Variants in PID1 observed in about 807,000 individuals in gnomAD.
PID1 encodes the protein phosphotyrosine interaction domain containing 1, also known as PTB-containing, cubilin and LRP1-interacting protein.
PID1 carries 10 observed loss-of-function variants against 19.1 expected under a neutral mutation model. The ratio of observed to expected loss-of-function variants is 0.52; its 90% confidence interval spans 0.32 to 0.89. PID1 has a LOEUF of 0.89. PID1 is among the 40% of genes least tolerant of loss of function. The probability of loss-of-function intolerance (pLI) is 0.03; values close to 1 mark genes in which losing one functional copy is unlikely to be tolerated. For synonymous variants in PID1, 130 were observed against 116.0 expected, an observed-to-expected ratio of 1.12 and a Z score of -0.78; for missense variants, 248 against 285.3, an observed-to-expected ratio of 0.87 and a Z score of 0.94.
chr2:229,091,229 T>C (rs373025224), intron 2 of PID1, among the ~76,000 whole-genome samples: 1 of 152,132 alleles, frequency 6.6e-6, no homozygotes, highest in Non-Finnish European at 1.5e-5. Flanking sequence ...TAAAAATGTA[T>C]ATTAAAATTC....
At position 229,137,660 on chromosome 2, in the gene PID1, A is replaced by G. The variant is rs1185274165; in HGVS notation, c.177+18158T>C. Among the ~76,000 whole-genome samples the G allele has an allele frequency of 3.3e-5, 5 of 152,352 alleles. No individual in the cohort carries two copies. The East Asian group carries it at 7.7e-4, about 23-fold the overall frequency. ...ACTTACAAAAATAAATAAAGTAACA[A>G]TAAAGATAAGCAGACTCTTCTACTT... On this transcript the variant is annotated intron_variant, in intron 2 of 2. Coordinates refer to ENST00000392055, the MANE Select transcript of PID1 (RefSeq NM_001100818.2).
chr2:229,046,754 C>T (rs1183751327), intron 2 of PID1, among the ~76,000 whole-genome samples: 3 of 152,134 alleles, frequency 2.0e-5, no homozygotes, highest in Admixed American at 2.0e-4. Context: ...CTTGATCTCG[C>T]TGTTAGATTT....
intron 1 of PID1, among the ~76,000 whole-genome samples, chr2:229,183,082 G>C (rs1461102846): frequency 2.0e-5 from 3 of 152,192 alleles, no homozygotes; most frequent in Non-Finnish European, 2.9e-5. Flanking sequence ...TCAAGTTAAG[G>C]TGAAGTTATA....
At chr2:229,037,850 A>T (rs1021194300) in intron 2 of PID1, among the ~76,000 whole-genome samples, 2 of 152,230 alleles carry the variant, frequency 1.3e-5, no homozygotes, top group Admixed American at 6.5e-5. Context: ...ACATGTTCAC[A>T]ACGAGAAAAT....
intron 2 of PID1, among the ~76,000 whole-genome samples, chr2:229,123,882 A>T (rs1249898125): frequency 6.6e-6 from 1 of 152,160 alleles, no homozygotes; most frequent in Non-Finnish European, 1.5e-5. Context: ...ATTCAGTTGT[A>T]AGATTTCCTT....
At chr2:229,223,473 C>G (rs1692014747) in intron 1 of PID1, among the ~76,000 whole-genome samples, 1 of 152,152 alleles carries the variant, frequency 6.6e-6, no homozygotes, top group African/African-American at 2.4e-5. Flanking sequence ...CAAATATTTT[C>G]CCGGTGTCTT....
intron 2 of PID1, among the ~76,000 whole-genome samples, chr2:229,108,667 G>T (rs1438613209): frequency 6.6e-6 from 1 of 152,196 alleles, no homozygotes; most frequent in African/African-American, 2.4e-5. Flanking sequence ...AGGTGTGAAA[G>T]AATCTGGGAC....
At chr2:229,268,010 A>G (rs948357830) in intron 1 of PID1, among the ~76,000 whole-genome samples, 2 of 152,218 alleles carry the variant, frequency 1.3e-5, no homozygotes, top group Non-Finnish European at 2.9e-5. Context: ...TTGGGGTGGT[A>G]AATTAAATCT....
chr2:229,061,728 T>C (rs1257348909), intron 2 of PID1, among the ~76,000 whole-genome samples: 1 of 152,008 alleles, frequency 6.6e-6, no homozygotes, highest in Non-Finnish European at 1.5e-5. Context: ...TATTAATAGT[T>C]CCAATCCATA....
rs1485377604 is a variant in PID1 at position 229,025,766 on chromosome 2, C to T, written c.520G>A (p.Glu174Lys). The T allele has an allele frequency of 9.3e-6, 15 of 1,614,114 alleles. No individual in the cohort carries two copies. Among genetic ancestry groups the T allele is most frequent in the African/African-American group, 1.3e-5 (1 of 74,944 alleles). The change falls in exon 3 of 3, where the codon GAG becomes AAG. Residue 174 changes from glutamate (E) to lysine (K), a missense_variant. Transcript: ENST00000392055. ...ATGGCGTGGGCCAGTTTCTTGGCCT[C>T]GAGCTTGCTCTCGCACTCCACGGCG... ...CHAVECESKLEAKKLAHAMME... is the reference protein window; with the variant it reads ...CHAVECESKLKAKKLAHAMME...
intron 1 of PID1, among the ~76,000 whole-genome samples, chr2:229,268,944 G>A (rs186150642): frequency 3.3e-4 from 50 of 152,254 alleles, no homozygotes; most frequent in African/African-American, 1.2e-3. Flanking sequence ...CTCTCTCAGA[G>A]GCAAAAGTAA....
intron 1 of PID1, among the ~76,000 whole-genome samples, chr2:229,212,619 C>G (rs1233112131): frequency 6.6e-6 from 1 of 152,146 alleles, no homozygotes; most frequent in African/African-American, 2.4e-5. Flanking sequence ...AAAGATATAA[C>G]AAAAGGTTTC....
intron 1 of PID1, among the ~76,000 whole-genome samples, chr2:229,207,445 A>G (rs1161653272): frequency 6.6e-6 from 1 of 150,974 alleles, no homozygotes; most frequent in East Asian, 1.9e-4. Flanking sequence ...CAGGCCCTCA[A>G]CAAATATGAG....
chr2:229,039,111 C>T (rs376064764), intron 2 of PID1, among the ~76,000 whole-genome samples: 1 of 152,134 alleles, frequency 6.6e-6, no homozygotes, highest in Non-Finnish European at 1.5e-5. Flanking sequence ...TATAACGCAG[C>T]GAGAAAGGAC....
chr2:229,177,306 T>C (rs1215606262), intron 1 of PID1, among the ~76,000 whole-genome samples: 1 of 152,196 alleles, frequency 6.6e-6, no homozygotes, highest in Non-Finnish European at 1.5e-5. Context: ...GGGACGATTA[T>C]ATATAATACA....
At chr2:229,203,168 C>T (rs1691534618) in intron 1 of PID1, among the ~76,000 whole-genome samples, 1 of 152,048 alleles carries the variant, frequency 6.6e-6, no homozygotes, top group South Asian at 2.1e-4. Context: ...ACTTGAGAGC[C>T]AGTGTCCTTG....
chr2:229,226,591 A>G (rs1479155444), intron 1 of PID1, among the ~76,000 whole-genome samples: 1 of 152,148 alleles, frequency 6.6e-6, no homozygotes, highest in Non-Finnish European at 1.5e-5. Context: ...CAGCTTGGCC[A>G]TGTTCATTCC....
rs113818466 is a variant in PID1, at chr2:229,040,317, CAACA to C, written c.178-14213_178-14210del. Among the ~76,000 whole-genome samples, 828 of 150,972 alleles carry C rather than the reference CAACA, an allele frequency of 5.5e-3. 3 individuals carry two copies. Among genetic ancestry groups the C allele is most frequent in the South Asian group, 0.013 (62 of 4,786 alleles). On this transcript the variant is annotated intron_variant, in intron 2 of 2. Coordinates refer to ENST00000392055, the MANE Select transcript of PID1 (RefSeq NM_001100818.2). ...CCTGGGCAACAAAGCAAGACATCGTCAACAAACAAACAAACAAACAAACAAACAA... is the reference window on the plus strand; with the variant it reads ...CCTGGGCAACAAAGCAAGACATCGTCAACAAACAAACAAACAAACAAACAA...
At chr2:229,141,642 TG>T (rs61080735) in intron 2 of PID1, among the ~76,000 whole-genome samples, 57,404 of 151,548 alleles carry the variant, frequency 0.38, 11,108 homozygotes, top group South Asian at 0.57. Flanking sequence ...TCAATCAATG[TG>T]GGGGGGGAAC....
Sources: gnomAD v4.1 joint callset for allele counts (sites outside exome capture counted in the v4.1 genomes callset) on GRCh38, gnomAD v4.1.1 for gene constraint, MANE v1.5 for transcripts, NCBI Gene and HGNC (gene_info 2026-07-23, HGNC 2026-07-21) for gene names.